GMCL1: variants seen among roughly 807,000 people sequenced by gnomAD.
GMCL1 encodes germ cell-less protein-like 1.
Under a neutral mutation model 75.5 loss-of-function variants are expected in GMCL1, and 54 were observed. That is an observed-to-expected ratio of 0.71 (90% CI 0.57 to 0.90). The LOEUF is 0.90. GMCL1 is among the 40% of genes least tolerant of loss of function. The pLI, the probability that GMCL1 is intolerant of heterozygous loss-of-function variation, is 0.00. For missense variants in GMCL1, 537 were observed against 622.7 expected (o/e 0.86, Z 1.47); for synonymous variants, 210 against 209.6 (o/e 1.00, Z -0.02).
At chr2:69,855,918 G>T (rs1195455138) in intron 9 of GMCL1, among the ~76,000 whole-genome samples, 1 of 152,140 alleles carries the variant, frequency 6.6e-6, no homozygotes, top group African/African-American at 2.4e-5. Flanking sequence ...AATGTATTTT[G>T]TAAGAGATTG....
In GMCL1 at chr2:69,854,920, T is replaced by G. The variant is rs758433628; in HGVS notation, c.1032T>G (p.Ala344=). The part of the protein sequence containing the change: ...LRLQYIISDL[A]SARIIEQDAV... ...TACAATATATTATCAGTGATCTGGC[T>G]TCTGCAAGAATTATTGAACAAGATG... The change falls in exon 9 of 14, where the codon GCT becomes GCG. Residue 344 remains alanine, a synonymous_variant. Coordinates refer to ENST00000282570, the MANE Select transcript of GMCL1 (RefSeq NM_178439.5). 1 of 1,609,874 alleles carries G rather than the reference T, an allele frequency of 6.2e-7. No homozygotes were observed.
chr2:69,849,740 A>G lies in GMCL1; in HGVS notation c.932A>G (p.Lys311Arg). The G allele has an allele frequency of 6.4e-7, 1 of 1,569,622 alleles. No individual in the cohort carries two copies. Among genetic ancestry groups the G allele is most frequent in the Non-Finnish European group, 8.6e-7 (1 of 1,159,878 alleles). Residue 311 changes from lysine (K) to arginine (R), a missense_variant and splice_region_variant, in exon 8 of 14, where the codon AAA (lysine) becomes AGA (arginine). Transcript: ENST00000282570. ...ETDVWFSKQRKDFEGMAFLET... is the reference protein window; with the variant it reads ...ETDVWFSKQRRDFEGMAFLET... Reference sequence around the variant, plus strand: ...GATGTCTGGTTTTCTAAACAGAGGAAAGGTAGGCCTGAAGTTTTTGAGAAC... The same window carrying G: ...GATGTCTGGTTTTCTAAACAGAGGAGAGGTAGGCCTGAAGTTTTTGAGAAC...
At chr2:69,853,397 A>C (rs1391568978) in intron 8 of GMCL1, among the ~76,000 whole-genome samples, 1 of 152,224 alleles carries the variant, frequency 6.6e-6, no homozygotes, top group South Asian at 2.1e-4. Flanking sequence ...AATACAAAAA[A>C]TATATGAGAT....
chr2:69,851,394 A>C (rs1023226915), intron 8 of GMCL1, among the ~76,000 whole-genome samples: 1 of 152,088 alleles, frequency 6.6e-6, no homozygotes, highest in African/African-American at 2.4e-5. Flanking sequence ...GGCAGATCAC[A>C]AGGTCAGGAG....
intron 8 of GMCL1, among the ~76,000 whole-genome samples, chr2:69,854,413 A>T (rs757929152): frequency 6.6e-6 from 1 of 152,138 alleles, no homozygotes; most frequent in African/African-American, 2.4e-5. Context: ...AAATTAAGAG[A>T]TATTCTTTGT....
chr2:69,833,261 C>T (rs775930551), intron 1 of GMCL1, among the ~76,000 whole-genome samples: 15 of 152,182 alleles, frequency 9.9e-5, no homozygotes, highest in Non-Finnish European at 2.1e-4. Flanking sequence ...AATTTAGTGT[C>T]TGTATATTAC....
In GMCL1 at chr2:69,840,839, A is replaced by G. The variant is rs1674962763; in HGVS notation, c.482-103A>G. 8.9e-6 allele frequency: 6 copies of G among 675,058 alleles called. 1 individual carries two copies. The Middle Eastern group carries it at 1.0e-3, about 116-fold the overall frequency. The allele number at this position is 675,058 out of a possible 1,614,324, so 41.8% of individuals were successfully genotyped here. A position where few individuals can be genotyped will look rare whatever the true frequency, so the allele number is the denominator to read the frequency against. On this transcript the variant is annotated intron_variant, in intron 3 of 13. Transcript: ENST00000282570. ...ATCCTTTTATGTGCATGCCACATTT[A>G]GACGGATGTCTTTGTGTGTGAAGAC...
intron 13 of GMCL1, among the ~76,000 whole-genome samples, chr2:69,872,838 C>G (rs1332370561): frequency 3.3e-5 from 5 of 152,178 alleles, no homozygotes; most frequent in African/African-American, 7.2e-5. Flanking sequence ...CTACCTGAAA[C>G]TTCATGAAAA....
chr2:69,855,013 A>T (rs1675430050), intron 9 of GMCL1, 53 bp downstream of exon 9: 1 of 1,293,800 alleles, frequency 7.7e-7, no homozygotes, highest in East Asian at 2.5e-5. Flanking sequence ...TTATAAAGTA[A>T]TATAGATCAT....
chr2:69,854,881 C>G lies in GMCL1; in HGVS notation c.993C>G (p.Phe331Leu), dbSNP rs749759401. Reference sequence around the variant, plus strand: ...AAGGAAAACCATTTGTGTCAGTATTCAGACATTTAAGGTTACAATATATTA... The same window carrying G: ...AAGGAAAACCATTTGTGTCAGTATTGAGACATTTAAGGTTACAATATATTA... ...TEQGKPFVSV[F>L]RHLRLQYIIS... Residue 331 changes from phenylalanine to leucine, a missense_variant, in exon 9 of 14, where the codon TTC (phenylalanine) becomes TTG (leucine). Phe to Leu is a conservative substitution (Grantham distance 22). Coordinates refer to ENST00000282570, the MANE Select transcript of GMCL1 (RefSeq NM_178439.5). 1 of 1,611,088 alleles carries G rather than the reference C, an allele frequency of 6.2e-7. No homozygotes were observed. Among genetic ancestry groups the G allele is most frequent in the Non-Finnish European group, 8.5e-7 (1 of 1,178,026 alleles).
intron 8 of GMCL1, 92 bp downstream of exon 8, chr2:69,849,834 T>G (rs1675261336): frequency 4.4e-6 from 3 of 681,566 alleles, no homozygotes; most frequent in Non-Finnish European, 7.0e-6. Flanking sequence ...ATTAATTAAT[T>G]AAATGAAATC....
At chr2:69,878,826 C>T (rs550919868) in intron 13 of GMCL1, 83 bp from the exon 14 acceptor site, 7 of 901,646 alleles carry the variant, frequency 7.8e-6, no homozygotes, top group African/African-American at 3.3e-5. Context: ...GACACTATCT[C>T]CTTTGGTTCA....
intron 9 of GMCL1, among the ~76,000 whole-genome samples, chr2:69,860,747 G>A (rs1675615604): frequency 6.6e-6 from 1 of 152,150 alleles, no homozygotes; most frequent in Admixed American, 6.5e-5. Flanking sequence ...CTGAGACAAA[G>A]CTGTAAAACC....
intron 9 of GMCL1, among the ~76,000 whole-genome samples, chr2:69,856,529 C>T (rs566451363): frequency 1.3e-5 from 2 of 151,924 alleles, no homozygotes; most frequent in African/African-American, 4.8e-5. Context: ...ATACTCTTGT[C>T]ATGCTTTCCT....
At position 69,854,809 on chromosome 2, in the gene GMCL1, A is replaced by G. The variant is rs746456207; in HGVS notation, c.935-14A>G. 3 of 1,597,900 alleles carry G rather than the reference A, an allele frequency of 1.9e-6. No homozygotes were observed. Among genetic ancestry groups the G allele is most frequent in the South Asian group, 2.3e-5 (2 of 87,982 alleles). ...TGAAAAGAATGGCTGTTTAACTTAC[A>G]TGGTTTTTTATAGATTTTGAAGGTA... On this transcript the variant is annotated splice_polypyrimidine_tract_variant and intron_variant, in intron 8 of 13. Coordinates refer to ENST00000282570, the MANE Select transcript of GMCL1 (RefSeq NM_178439.5).
intron 1 of GMCL1, 62 bp from the exon 2 acceptor site, chr2:69,837,485 T>C (rs1674852029): frequency 1.5e-5 from 19 of 1,236,138 alleles, no homozygotes; most frequent in Non-Finnish European, 2.0e-5. Context: ...TAGAAATATA[T>C]GCAAAATCAG....
At chr2:69,852,503 G>A (rs533511340) in intron 8 of GMCL1, among the ~76,000 whole-genome samples, 1 of 151,570 alleles carries the variant, frequency 6.6e-6, no homozygotes, top group African/African-American at 2.4e-5. Context: ...AAAATCACCT[G>A]TGATCCCTCA....
Position 69,880,590 on chromosome 2 carries a change from C to G in GMCL1, c.*1586C>G, listed in dbSNP as rs1676250153. The G allele has an allele frequency of 6.6e-6, 1 of 152,230 alleles. No homozygotes were observed. Among genetic ancestry groups the G allele is most frequent in the South Asian group, 2.1e-4 (1 of 4,828 alleles). 9.4% of individuals were successfully genotyped at this position (152,230 alleles called of 1,614,324 possible). On this transcript the variant is annotated 3_prime_UTR_variant, in exon 14 of 14. Transcript: ENST00000282570. ...GGTGTGGTGGCTCACACTTGTAAGC[C>G]CAGCACTTTGGGAGGCCGAGGCAGG...
intron 9 of GMCL1, among the ~76,000 whole-genome samples, chr2:69,860,064 T>C (rs766950886): frequency 6.6e-6 from 1 of 152,294 alleles, no homozygotes; most frequent in Middle Eastern, 3.4e-3. Context: ...TGCATTGGCA[T>C]GTCCAGGGCT....
Sources: allele counts gnomAD v4.1 joint callset (sites outside exome capture counted in the v4.1 genomes callset), GRCh38; gene constraint gnomAD v4.1.1; transcripts MANE v1.5; gene names NCBI Gene and HGNC (gene_info 2026-07-23, HGNC 2026-07-21).